PCSK5: variants seen among roughly 807,000 people sequenced by gnomAD.
PCSK5 encodes proprotein convertase subtilisin/kexin type 5, also known as prohormone convertase 5.
In PCSK5, 129 loss-of-function variants were observed where a neutral mutation model predicts 233.2. That is an observed-to-expected ratio of 0.55 (90% CI 0.48 to 0.64). PCSK5 has a LOEUF of 0.64. Ranked by LOEUF, PCSK5 falls within the 30% of genes least tolerant of loss-of-function variation. PCSK5 has a pLI of 0.00. For missense variants in PCSK5, 2,076 were observed against 2,430.1 expected (o/e 0.85, Z 3.06); for synonymous variants, 825 against 879.2 (o/e 0.94, Z 1.09).
intron 2 of PCSK5, among the ~76,000 whole-genome samples, chr9:75,964,340 A>G (rs1309949859): frequency 1.3e-5 from 2 of 152,086 alleles, no homozygotes; most frequent in African/African-American, 4.8e-5. Flanking sequence ...TTTCTTTTTT[A>G]ATTTTTTTCA....
At chr9:76,202,787 T>A (rs1049909363) in intron 20 of PCSK5, among the ~76,000 whole-genome samples, 5 of 152,204 alleles carry the variant, frequency 3.3e-5, no homozygotes, top group African/African-American at 4.8e-5. Context: ...TTCTTTTATA[T>A]TAATTTTATG....
chr9:76,213,408 G>A (rs1825402228), intron 20 of PCSK5, among the ~76,000 whole-genome samples: 1 of 152,172 alleles, frequency 6.6e-6, no homozygotes, highest in African/African-American at 2.4e-5. Flanking sequence ...CCCATTCCCT[G>A]GGGACAGGGT....
intron 5 of PCSK5, among the ~76,000 whole-genome samples, chr9:76,059,205 T>A (rs1829938145): frequency 6.6e-6 from 1 of 152,164 alleles, no homozygotes; most frequent in Non-Finnish European, 1.5e-5. Context: ...TATGCTTCAT[T>A]AGGACTTCGA....
At chr9:76,009,491 G>A (rs979629571) in intron 3 of PCSK5, among the ~76,000 whole-genome samples, 9 of 152,004 alleles carry the variant, frequency 5.9e-5, no homozygotes, top group African/African-American at 1.9e-4. Flanking sequence ...GCCAGGCATG[G>A]TGGCGGGTGC....
intron 14 of PCSK5, among the ~76,000 whole-genome samples, chr9:76,178,099 G>A (rs1823697439): frequency 6.6e-6 from 1 of 152,064 alleles, no homozygotes; most frequent in African/African-American, 2.4e-5. Context: ...TTCCCGTACT[G>A]TGTCATTGGA....
chr9:76,041,328 C>T (rs1260391973), intron 5 of PCSK5, among the ~76,000 whole-genome samples: 1 of 152,068 alleles, frequency 6.6e-6, no homozygotes, highest in Non-Finnish European at 1.5e-5. Context: ...AATGACTGAC[C>T]AAAGAGAACA....
intron 5 of PCSK5, among the ~76,000 whole-genome samples, chr9:76,056,311 G>A (rs1218526156): frequency 6.6e-6 from 1 of 152,020 alleles, no homozygotes; most frequent in Non-Finnish European, 1.5e-5. Flanking sequence ...CTCACATCTT[G>A]TCTTCCGATC....
At chr9:76,170,158 C>T (rs908316283) in intron 13 of PCSK5, among the ~76,000 whole-genome samples, 6 of 152,176 alleles carry the variant, frequency 3.9e-5, no homozygotes, top group Non-Finnish European at 7.3e-5. Flanking sequence ...GCCTGTCCAC[C>T]GGCACTGAGT....
At chr9:76,292,392 C>T (rs1828305798) in intron 25 of PCSK5, 117 bp downstream of exon 25, 1 of 711,688 alleles carries the variant, frequency 1.4e-6, no homozygotes, top group African/African-American at 1.8e-5. Flanking sequence ...CAACTCTGTC[C>T]TGTCAGGCTA....
At chr9:76,191,004 C>T (rs1824348938) in intron 20 of PCSK5, among the ~76,000 whole-genome samples, 1 of 152,172 alleles carries the variant, frequency 6.6e-6, no homozygotes, top group African/African-American at 2.4e-5. Flanking sequence ...TCAGTTTCCC[C>T]ATCTGTAAAA....
chr9:76,077,638 T>C (rs926895994), intron 7 of PCSK5, among the ~76,000 whole-genome samples: 5 of 152,152 alleles, frequency 3.3e-5, no homozygotes, highest in Admixed American at 6.5e-5. Context: ...CTCCCACTTA[T>C]AAGTGAGAGC....
chr9:76,173,103 C>T (rs577431712), intron 13 of PCSK5, among the ~76,000 whole-genome samples: 202 of 152,318 alleles, frequency 1.3e-3, no homozygotes, highest in African/African-American at 4.7e-3. Context: ...TTACCAACCT[C>T]TGTAGCTCTG....
At position 76,181,576 on chromosome 9, in the gene PCSK5, T is replaced by A. The variant is rs1431617264; in HGVS notation, c.2182T>A (p.Ser728Thr). ...NSCVTHCPDGSYQDTKKNLCR... is the reference protein window; with the variant it reads ...NSCVTHCPDGTYQDTKKNLCR... Reference sequence around the variant, plus strand: ...CTGTGTTACTCACTGCCCTGATGGGTCATATCAGGATACCAGTAAGCTCAC... The same window carrying A: ...CTGTGTTACTCACTGCCCTGATGGGACATATCAGGATACCAGTAAGCTCAC... Residue 728 changes from serine to threonine, a missense_variant, in exon 16 of 38, where the codon TCA becomes ACA. Physicochemically the swap from Ser to Thr is moderately conservative, Grantham distance 58 (BLOSUM62 1). This residue lies in a region of PCSK5 where 1,510 missense variants were observed against 1,538.1 expected (regional missense o/e 0.98). Transcript: ENST00000674117. 1 of 1,610,336 alleles carries A rather than the reference T, an allele frequency of 6.2e-7. No individual in the cohort carries two copies. Among genetic ancestry groups the A allele is most frequent in the Admixed American group, 1.7e-5 (1 of 59,860 alleles).
At chr9:76,129,112 G>A (rs1224822124) in intron 9 of PCSK5, among the ~76,000 whole-genome samples, 1 of 152,132 alleles carries the variant, frequency 6.6e-6, no homozygotes, top group Non-Finnish European at 1.5e-5. Context: ...ACCTATCTCA[G>A]CAGGCTTTAA....
chr9:76,130,220 A>G (rs950999592), intron 9 of PCSK5, among the ~76,000 whole-genome samples: 8 of 152,202 alleles, frequency 5.3e-5, no homozygotes, highest in Non-Finnish European at 8.8e-5. Context: ...TCTGAATGCT[A>G]TGGTAAACAA....
rs373077827 is a variant in PCSK5 at position 75,926,449 on chromosome 9, A to C, written c.193-5930A>C. Among the ~76,000 whole-genome samples the C allele has an allele frequency of 4.6e-5, 7 of 152,304 alleles. No individual in the cohort carries two copies. The South Asian group carries it at 8.3e-4, about 18-fold the overall frequency. On this transcript the variant is annotated intron_variant, in intron 1 of 37. Coordinates refer to ENST00000674117, the MANE Select transcript of PCSK5 (RefSeq NM_001372043.1). Reference sequence around the variant, plus strand: ...GATGTTAAGTCATCAACCTGCTGTCACTTAATAGGGTGCTGGGAAAAGATG... The same window carrying C: ...GATGTTAAGTCATCAACCTGCTGTCCCTTAATAGGGTGCTGGGAAAAGATG...
chr9:75,975,535 TCTCTA>T (rs539498209), intron 2 of PCSK5, among the ~76,000 whole-genome samples: 1 of 152,288 alleles, frequency 6.6e-6, no homozygotes, highest in South Asian at 2.1e-4. Context: ...TTGAACAATT[TCTCTA>T]CTCTGTACAA....
intron 1 of PCSK5, among the ~76,000 whole-genome samples, chr9:75,920,737 C>T (rs1823219919): frequency 6.6e-6 from 1 of 152,014 alleles, no homozygotes; most frequent in African/African-American, 2.4e-5. Flanking sequence ...ACCTGGAAAG[C>T]GGAGGTTGCA....
chr9:76,140,010 G>A (rs966872420), intron 10 of PCSK5, among the ~76,000 whole-genome samples: 6 of 152,022 alleles, frequency 3.9e-5, no homozygotes, highest in Admixed American at 6.6e-5. Context: ...AATATGTGAC[G>A]CTCAAAAATA....
Sources: allele counts gnomAD v4.1 joint callset (sites outside exome capture counted in the v4.1 genomes callset), GRCh38; gene constraint gnomAD v4.1.1; regional missense constraint gnomAD v4.1.1; transcripts MANE v1.5; gene names NCBI Gene and HGNC (gene_info 2026-07-23, HGNC 2026-07-21).